Variants in GZF1 observed in about 807,000 individuals in gnomAD.
The protein encoded by GZF1 is GDNF inducible zinc finger protein 1.
Under a neutral mutation model 49.4 loss-of-function variants are expected in GZF1, and 28 were observed. That is an observed-to-expected ratio of 0.57 (90% CI 0.42 to 0.78). The LOEUF (loss-of-function observed/expected upper bound fraction) is 0.78. GZF1 is among the 30% of genes least tolerant of loss of function. The pLI, the probability that GZF1 is intolerant of heterozygous loss-of-function variation, is 0.00. For missense variants in GZF1, 798 were observed against 916.2 expected, an observed-to-expected ratio of 0.87 and a Z score of 1.67; for synonymous variants, 364 against 356.0, an observed-to-expected ratio of 1.02 and a Z score of -0.25.
At chr20:23,362,042 C>T (rs1406782363), upstream of GZF1, 1 of 152,260 alleles carries the variant, frequency 6.6e-6, no homozygotes, top group Non-Finnish European at 1.5e-5. Flanking sequence ...ACTGCCCGAA[C>T]CGCTCCGCCG....
chr20:23,368,470 G>T (rs1981667954), intron 3 of GZF1, among the ~76,000 whole-genome samples: 1 of 152,154 alleles, frequency 6.6e-6, no homozygotes, highest in Admixed American at 6.5e-5. Flanking sequence ...TTATTTTCTT[G>T]TTTGGAATGA....
rs763173545 is a variant in GZF1, at chr20:23,370,174, A to G, written c.1869A>G (p.Glu623=). The change falls in exon 6 of 6, where the codon GAA becomes GAG. Residue 623 remains glutamate, a synonymous_variant. Transcript: ENST00000338121. ...AGAACGATGACGGACACAAGACTGA[A>G]CAGCCTGACGAAGAGTATGTGTCAT... The part of the protein sequence containing the change: ...SPKNDDGHKT[E]QPDEEYVSSK... 10 of 1,614,244 alleles carry G rather than the reference A, an allele frequency of 6.2e-6. No homozygotes were observed. Among genetic ancestry groups the G allele is most frequent in the East Asian group, 2.2e-5 (1 of 44,890 alleles).
In GZF1 at chr20:23,369,443, G is replaced by T. The variant is rs982020219; in HGVS notation, c.1628-141G>T. 14 of 715,038 alleles carry T rather than the reference G, an allele frequency of 2.0e-5. No individual in the cohort carries two copies. In the African/African-American group the frequency reaches 2.3e-4, roughly 12 times the overall value. The allele number at this position is 715,038 out of a possible 1,614,324, so 44.3% of individuals were successfully genotyped here. A position where few individuals can be genotyped will look rare whatever the true frequency, so the allele number is the denominator to read the frequency against. On this transcript the variant is annotated intron_variant, in intron 4 of 5. Coordinates refer to ENST00000338121, the MANE Select transcript of GZF1 (RefSeq NM_022482.5). ...ATAGTGGATTTGTAGCCCTTAAGTT[G>T]TTCCCAACATAACCTTCCTTATGTT...
chr20:23,366,367 T>C (rs949866081), intron 2 of GZF1, among the ~76,000 whole-genome samples: 1 of 152,252 alleles, frequency 6.6e-6, no homozygotes, highest in African/African-American at 2.4e-5. Context: ...AGATCTGCCC[T>C]CAAACCTAGG....
In GZF1 at chr20:23,370,321, A is replaced by G; in HGVS notation, c.2016A>G (p.Ala672=). Residue 672 remains alanine, a synonymous_variant, in exon 6 of 6, where the codon GCA becomes GCG. Transcript: ENST00000338121. ...GTTCTGCTGACACAGCCTGCAAGGC[A>G]GATGACTCCGTGGTGTCCCAGGACA... ...ENSSADTACK[A]DDSVVSQDTL... is the part of the protein sequence containing the mutation. 6.2e-7 allele frequency: 1 copy of G among 1,614,172 alleles called. No individual in the cohort carries two copies. The highest frequency in any genetic ancestry group is 8.5e-7 in the Non-Finnish European group (1 of 1,179,994).
chr20:23,365,510 A>G lies in GZF1; in HGVS notation c.1127A>G (p.His376Arg), dbSNP rs1420998564. ...CGCCACGTGCACAGCAGCGAGCGCC[A>G]TTTCCCATGCGAGCTGTGCGGGAAG... ...HQRHVHSSER[H>R]FPCELCGKKF... is the part of the protein sequence containing the mutation. Residue 376 changes from histidine (H) to arginine (R), a missense_variant, in exon 2 of 6, where the codon CAT (histidine) becomes CGT (arginine). Around this residue, in one of 3 missense-constraint regions of GZF1, gnomAD observed 446 missense variants for 540.1 expected, o/e 0.83. Transcript: ENST00000338121. The G allele has an allele frequency of 3.7e-6, 6 of 1,613,668 alleles. No individual in the cohort carries two copies. Among genetic ancestry groups the G allele is most frequent in the African/African-American group, 1.3e-5 (1 of 74,948 alleles).
At chr20:23,370,010 G>A in intron 5 of GZF1, 81 bp from the exon 6 acceptor site, 2 of 1,227,940 alleles carry the variant, frequency 1.6e-6, no homozygotes, top group Non-Finnish European at 2.4e-6. Flanking sequence ...GAAAATTGAA[G>A]TTGTAGAGGG....
Position 23,365,612 on chromosome 20 carries a change from G to A in GZF1, c.1229G>A (p.Gly410Asp), listed in dbSNP as rs766705074. Residue 410 changes from glycine (G) to aspartate (D), a missense_variant, in exon 2 of 6, where the codon GGC (glycine) becomes GAC (aspartate). Physicochemically the swap from Gly to Asp is moderately conservative, Grantham distance 94 (BLOSUM62 -1). This residue lies in a region of GZF1 where 446 missense variants were observed against 540.1 expected (regional missense o/e 0.83). Transcript: ENST00000338121. ...GGCGGCGGCGAGCGGCACCGCTGCG[G>A]CCAGTGCGGCAAGGGCCTGAGTTCC... is the stretch of plus-strand genomic sequence containing the variant. ...HEGGGERHRC[G>D]QCGKGLSSKT... 1.0e-5 allele frequency: 16 copies of A among 1,606,518 alleles called. No individual in the cohort carries two copies. Among genetic ancestry groups the A allele is most frequent in the Non-Finnish European group, 1.3e-5 (15 of 1,179,404 alleles).
intron 1 of GZF1, chr20:23,363,229 A>C (rs1011593411): frequency 6.6e-6 from 1 of 152,336 alleles, no homozygotes; most frequent in Non-Finnish European, 1.5e-5. Context: ...AGACACGTTG[A>C]ATCCGAGGTG....
chr20:23,366,230 T>C (rs1331669356), intron 2 of GZF1, among the ~76,000 whole-genome samples: 1 of 152,212 alleles, frequency 6.6e-6, no homozygotes. Flanking sequence ...GGACAGACAG[T>C]GCTTTCTGTT....
rs1981994728 is a variant in GZF1 at position 23,370,698 on chromosome 20, G to A, written c.*257G>A. 2.9e-5 allele frequency: 14 copies of A among 478,522 alleles called. 1 individual carries two copies. The South Asian group carries it at 3.3e-4, about 11-fold the overall frequency. The allele number at this position is 478,522 out of a possible 1,614,324, so 29.6% of individuals were successfully genotyped here. A position where few individuals can be genotyped will look rare whatever the true frequency, so the allele number is the denominator to read the frequency against. ...GAACATAACCTCACTTAATTCTGGTGTAGGGTGTATGTGCTAATCGTTCTA... is the reference window on the plus strand; with the variant it reads ...GAACATAACCTCACTTAATTCTGGTATAGGGTGTATGTGCTAATCGTTCTA... On this transcript the variant is annotated 3_prime_UTR_variant, in exon 6 of 6. Transcript: ENST00000338121.
chr20:23,366,461 ATTATGT>A (rs1040647256), intron 2 of GZF1, among the ~76,000 whole-genome samples: 15 of 150,420 alleles, frequency 1.0e-4, no homozygotes, highest in Admixed American at 7.3e-4. Flanking sequence ...TGCTCAGTAA[ATTATGT>A]TTGATTGCTA....
At position 23,370,535 on chromosome 20, in the gene GZF1, A is replaced by T; in HGVS notation, c.*94A>T. On this transcript the variant is annotated 3_prime_UTR_variant, in exon 6 of 6. Coordinates refer to ENST00000338121, the MANE Select transcript of GZF1 (RefSeq NM_022482.5). ...AAGAAAAATAATTGTCCATGTGCAA[A>T]GATGTGGGCAAGAATGGCCTCTGCA... The T allele has an allele frequency of 1.2e-6, 1 of 842,284 alleles. No individual in the cohort carries two copies. Among genetic ancestry groups the T allele is most frequent in the South Asian group, 1.5e-5 (1 of 64,868 alleles). 52.2% of individuals were successfully genotyped at this position (842,284 alleles called of 1,614,324 possible). A position where few individuals can be genotyped will look rare whatever the true frequency, so the allele number is the denominator to read the frequency against.
rs766222115 is a variant in GZF1 at position 23,364,852 on chromosome 20, G to A, written c.469G>A (p.Val157Ile). ...QEVEVSSGSQ[V>I]SAAPAPRASV... ...GGTGGAGGTGAGCAGTGGCTCCCAAGTTAGTGCTGCTCCTGCCCCCAGGGC... is the reference window on the plus strand; with the variant it reads ...GGTGGAGGTGAGCAGTGGCTCCCAAATTAGTGCTGCTCCTGCCCCCAGGGC... Residue 157 changes from valine (V) to isoleucine (I), a missense_variant, in exon 2 of 6, where the codon GTT (valine) becomes ATT (isoleucine). Coordinates refer to ENST00000338121, the MANE Select transcript of GZF1 (RefSeq NM_022482.5). 15 of 1,614,110 alleles carry A rather than the reference G, an allele frequency of 9.3e-6. No individual in the cohort carries two copies. The East Asian group carries it at 1.6e-4, about 17-fold the overall frequency.
In GZF1 at chr20:23,369,024, C is replaced by T. The variant is rs1981742851; in HGVS notation, c.1627+95C>T. On this transcript the variant is annotated intron_variant, in intron 4 of 5. Transcript: ENST00000338121. ...TACCAGTAAATTACTTGGAACTAAG[C>T]TTTTGAAGAAAACTGGCCAAACTTT... The T allele has an allele frequency of 5.3e-6, 6 of 1,127,490 alleles. No homozygotes were observed. The South Asian group carries it at 8.8e-5, about 17-fold the overall frequency. The allele number at this position is 1,127,490 out of a possible 1,614,324, so 69.8% of individuals were successfully genotyped here.
Position 23,368,788 on chromosome 20 carries a change from TGTG to T in GZF1, c.1488_1490del (p.Gly497del). On this transcript the variant is annotated inframe_deletion, in exon 4 of 6. Transcript: ENST00000338121. Reference sequence around the variant, plus strand: ...TGAAAGACCTTTTATGTGTGAAACATGTGGCAAGAGTTTTGCTTCTAAGGAGTA... The same window carrying T: ...TGAAAGACCTTTTATGTGTGAAACATGCAAGAGTTTTGCTTCTAAGGAGTA... 1 of 1,611,176 alleles carries T rather than the reference TGTG, an allele frequency of 6.2e-7. No individual in the cohort carries two copies. Among genetic ancestry groups the T allele is most frequent in the Non-Finnish European group, 8.5e-7 (1 of 1,178,922 alleles).
In GZF1 at chr20:23,370,819, G is replaced by T; in HGVS notation, c.*378G>T. The stretch of plus-strand genomic sequence containing the variant: ...TGATATTGTAGTTAGCAGTCTTCCT[G>T]GCTTCTCACTCTGCCTTATATTTCC... On this transcript the variant is annotated 3_prime_UTR_variant, in exon 6 of 6. Coordinates refer to ENST00000338121, the MANE Select transcript of GZF1 (RefSeq NM_022482.5). 1 of 182,908 alleles carries T rather than the reference G, an allele frequency of 5.5e-6. No homozygotes were observed. Among genetic ancestry groups the T allele is most frequent in the Non-Finnish European group, 1.1e-5 (1 of 88,740 alleles). The allele number at this position is 182,908 out of a possible 1,614,324, so 11.3% of individuals were successfully genotyped here. A position where few individuals can be genotyped will look rare whatever the true frequency, so the allele number is the denominator to read the frequency against.
rs565931957 is a variant in GZF1 at position 23,370,273 on chromosome 20, T to G, written c.1968T>G (p.Thr656=). The G allele has an allele frequency of 1.2e-5, 19 of 1,614,206 alleles. No individual in the cohort carries two copies. In the South Asian group the frequency reaches 2.0e-4, roughly 17 times the overall value. Reference sequence around the variant, plus strand: ...ACAACCTGGCTGCAGTCCAAGACACTGTACCTACCATGCAGGAGAACAGTT... The same window carrying G: ...ACAACCTGGCTGCAGTCCAAGACACGGTACCTACCATGCAGGAGAACAGTT... ...HFHNLAAVQD[T]VPTMQENSSA... The change falls in exon 6 of 6, where the codon ACT becomes ACG. Residue 656 remains threonine, a synonymous_variant. Coordinates refer to ENST00000338121, the MANE Select transcript of GZF1 (RefSeq NM_022482.5).
chr20:23,370,502 G>A lies in GZF1; in HGVS notation c.*61G>A. 1 of 1,079,220 alleles carries A rather than the reference G, an allele frequency of 9.3e-7. No individual in the cohort carries two copies. The highest frequency in any genetic ancestry group is 1.4e-6 in the Non-Finnish European group (1 of 715,976). The allele number at this position is 1,079,220 out of a possible 1,614,324, so 66.9% of individuals were successfully genotyped here. On this transcript the variant is annotated 3_prime_UTR_variant, in exon 6 of 6. Transcript: ENST00000338121. ...GTGTGGTAGCTGAACTCAAGATGAT[G>A]TGGGGCTAAGAAAAATAATTGTCCA...
Sources: allele counts gnomAD v4.1 joint callset (sites outside exome capture counted in the v4.1 genomes callset), GRCh38; gene constraint gnomAD v4.1.1; regional missense constraint gnomAD v4.1.1; transcripts MANE v1.5; gene names NCBI Gene and HGNC (gene_info 2026-07-23, HGNC 2026-07-21).